The following CTSC variants were observed in gnomAD, a reference collection of about 807,000 sequenced individuals.
The protein encoded by CTSC is cathepsin C.
In CTSC, 37 loss-of-function variants were observed where a neutral mutation model predicts 40.9. The ratio of observed to expected loss-of-function variants is 0.91; its 90% confidence interval spans 0.70 to 1.19. CTSC has a LOEUF of 1.19. CTSC is among the 50% of genes most tolerant of loss of function. The pLI, the probability that CTSC is intolerant of heterozygous loss-of-function variation, is 0.00. For missense variants in CTSC, 594 were observed against 567.3 expected (o/e 1.05, Z -0.48); for synonymous variants, 232 against 207.4 (o/e 1.12, Z -1.02).
At chr11:88,328,302 A>G in intron 2 of CTSC, 1 of 795,318 alleles carries the variant, frequency 1.3e-6, no homozygotes, top group Non-Finnish European at 2.2e-6. Context: ...TAAACTTCTG[A>G]TACTTTTCCT....
At chr11:88,313,332 T>C (rs1937809369) in intron 2 of CTSC, among the ~76,000 whole-genome samples, 2 of 152,168 alleles carry the variant, frequency 1.3e-5, no homozygotes, top group South Asian at 4.1e-4. Context: ...CCTCCCAAAG[T>C]GATGGGATTA....
intron 6 of CTSC, 112 bp from the exon 7 acceptor site, chr11:88,294,620 C>T (rs1944278846): frequency 1.6e-6 from 2 of 1,227,102 alleles, no homozygotes; most frequent in Middle Eastern, 2.0e-4. Context: ...GAAAGTTGTT[C>T]TTAGCTTAAG....
At position 88,294,150 on chromosome 11, in the gene CTSC, T is replaced by C; in HGVS notation, c.1248A>G (p.Ser416=). The part of the protein sequence containing the change: ...AVLLVGYGTD[S]ASGMDYWIVK... ...CAATCCAGTAATCCATCCCAGAGGC[T>C]GAGTCAGTGCCATAGCCCACAAGCA... Residue 416 remains serine (S), a synonymous_variant, in exon 7 of 7, where the codon TCA becomes TCG. Transcript: ENST00000227266. 6.2e-7 allele frequency: 1 copy of C among 1,613,950 alleles called. No individual in the cohort carries two copies. Among genetic ancestry groups the C allele is most frequent in the Non-Finnish European group, 8.5e-7 (1 of 1,180,016 alleles).
chr11:88,334,323 A>G lies in CTSC; in HGVS notation c.318+614T>C, dbSNP rs79754899. On this transcript the variant is annotated intron_variant, in intron 2 of 6. Coordinates refer to ENST00000227266, the MANE Select transcript of CTSC (RefSeq NM_001814.6). ...ACCCTGAGTATGTTTGCAATTGGAA[A>G]AAGTGTGTTATGAGAATGAACAATA... Among the ~76,000 whole-genome samples the G allele has an allele frequency of 5.6e-3, 850 of 152,342 alleles. 3 individuals carry two copies. Among genetic ancestry groups the G allele is most frequent in the African/African-American group, 0.02 (827 of 41,578 alleles).
In CTSC at chr11:88,334,971, A is replaced by C. The variant is rs1938450970; in HGVS notation, c.284T>G (p.Val95Gly). 6.2e-7 allele frequency: 1 copy of C among 1,612,884 alleles called. No individual in the cohort carries two copies. Among genetic ancestry groups the C allele is most frequent in the South Asian group, 1.1e-5 (1 of 91,062 alleles). ...TIIYNQGFEI[V>G]LNDYKWFAFF... ...GGCAAACCACTTGTAGTCATTCAAC[A>C]CAATCTCAAAGCCTTGGTTGTAAAT... is the stretch of plus-strand genomic sequence containing the variant. Residue 95 changes from valine (V) to glycine (G), a missense_variant, in exon 2 of 7, where the codon GTG (valine) becomes GGG (glycine). Transcript: ENST00000227266.
At chr11:88,300,423 G>T in intron 5 of CTSC, 107 bp downstream of exon 5, 2 of 718,292 alleles carry the variant, frequency 2.8e-6, no homozygotes, top group South Asian at 1.5e-5. Context: ...TGTAAAAAGG[G>T]GATCATGCCC....
At chr11:88,334,560 G>A (rs1036746783) in intron 2 of CTSC, among the ~76,000 whole-genome samples, 2 of 152,112 alleles carry the variant, frequency 1.3e-5, no homozygotes, top group Non-Finnish European at 2.9e-5. Flanking sequence ...CATAGTAACT[G>A]CAAGAAAACA....
intron 2 of CTSC, chr11:88,325,567 CTG>C (rs1423833948): frequency 6.1e-6 from 6 of 985,256 alleles, no homozygotes; most frequent in South Asian, 4.7e-5. Context: ...GTTAGAAACT[CTG>C]TGAGCTTAGC....
intron 1 of CTSC, 74 bp downstream of exon 1, chr11:88,337,427 A>G: frequency 1.4e-6 from 2 of 1,416,502 alleles, no homozygotes; most frequent in Admixed American, 3.9e-5. Context: ...GGGAAGCGGT[A>G]GTTGGCGTGG....
At chr11:88,318,491 C>T (rs934182990) in intron 2 of CTSC, among the ~76,000 whole-genome samples, 1 of 152,238 alleles carries the variant, frequency 6.6e-6, no homozygotes, top group African/African-American at 2.4e-5. Context: ...CTTCATAGAA[C>T]TTATATTCTA....
At chr11:88,298,860 G>A (rs1591221392) in intron 5 of CTSC, 2 of 152,068 alleles carry the variant, frequency 1.3e-5, no homozygotes, top group South Asian at 4.1e-4. Flanking sequence ...TTAGAAAGTC[G>A]AATTTCCTTT....
Position 88,322,726 on chromosome 11 carries a change from T to C in CTSC, c.319-10172A>G, listed in dbSNP as rs184023169. 1.4e-4 allele frequency: 22 copies of C among 152,312 alleles called. No individual in the cohort carries two copies. The East Asian group carries it at 1.9e-3, about 13-fold the overall frequency. The allele number at this position is 152,312 out of a possible 1,614,324, so 9.4% of individuals were successfully genotyped here. A position where few individuals can be genotyped will look rare whatever the true frequency, so the allele number is the denominator to read the frequency against. ...CTCCCAAGACTGAATCAGGAAGAAG[T>C]TGGATCCCTGAATAGATCAATAACA... On this transcript the variant is annotated intron_variant, in intron 2 of 6. Transcript: ENST00000227266.
chr11:88,311,376 T>C (rs1175426489), intron 3 of CTSC, among the ~76,000 whole-genome samples: 1 of 152,220 alleles, frequency 6.6e-6, no homozygotes, highest in Non-Finnish European at 1.5e-5. Context: ...CTTTAAATCA[T>C]CTCTCTTACC....
intron 3 of CTSC, 68 bp from the exon 4 acceptor site, chr11:88,309,386 C>A: frequency 7.5e-7 from 1 of 1,330,788 alleles, no homozygotes. Context: ...TTAAAACAGG[C>A]ATTCACACTC....
At chr11:88,323,578 G>T (rs1175312978) in intron 2 of CTSC, 1 of 152,070 alleles carries the variant, frequency 6.6e-6, no homozygotes, top group Non-Finnish European at 1.5e-5. Context: ...AAAGTCTCAG[G>T]ATACAAAATC....
chr11:88,329,447 C>G (rs1165604537), intron 2 of CTSC, among the ~76,000 whole-genome samples: 1 of 100,474 alleles, frequency 1.0e-5, no homozygotes, highest in Non-Finnish European at 1.8e-5. Flanking sequence ...CAGAGCTAGA[C>G]TCCATTTCAA....
At chr11:88,294,650 C>A in intron 6 of CTSC, 142 bp from the exon 7 acceptor site, 2 of 922,644 alleles carry the variant, frequency 2.2e-6, no homozygotes, top group South Asian at 1.5e-5. Context: ...ATTCATCCAT[C>A]CATTTTCCAA....
intron 2 of CTSC, chr11:88,322,964 A>T (rs1938068310): frequency 6.6e-6 from 1 of 152,178 alleles, no homozygotes; most frequent in South Asian, 2.1e-4. Context: ...GAGATACGAC[A>T]ACAAAAAGAA....
intron 2 of CTSC, chr11:88,325,525 T>C (rs1248663662): frequency 4.1e-6 from 4 of 985,422 alleles, no homozygotes; most frequent in East Asian, 1.1e-4. Context: ...AGGAAGTCTT[T>C]AGGCTTGAAA....
Sources: allele counts gnomAD v4.1 joint callset (sites outside exome capture counted in the v4.1 genomes callset), GRCh38; gene constraint gnomAD v4.1.1; transcripts MANE v1.5; gene names NCBI Gene and HGNC (gene_info 2026-07-23, HGNC 2026-07-21).